The following IFNAR2 variants were observed in gnomAD, a reference collection of about 807,000 sequenced individuals.
IFNAR2 encodes the protein interferon alpha/beta receptor 2.
In IFNAR2, 30 loss-of-function variants were observed where a neutral mutation model predicts 49.4. That is an observed-to-expected ratio of 0.61 (90% CI 0.45 to 0.82). IFNAR2 has a LOEUF of 0.82. Ranked by LOEUF, IFNAR2 falls within the 40% of genes least tolerant of loss-of-function variation. IFNAR2 has a pLI of 0.00. For synonymous variants in IFNAR2, 224 were observed against 234.5 expected (o/e 0.96, Z 0.41); for missense variants, 600 against 622.7 (o/e 0.96, Z 0.39).
At chr21:33,244,911 G>C in intron 3 of IFNAR2, 40 bp from the exon 4 acceptor site, 1 of 1,607,654 alleles carries the variant, frequency 6.2e-7, no homozygotes, top group African/African-American at 1.3e-5. Flanking sequence ...ATACAACTGT[G>C]GGTTCCAAAT....
At chr21:33,261,775 A>T (rs957061568) in intron 8 of IFNAR2, among the ~76,000 whole-genome samples, 1 of 151,928 alleles carries the variant, frequency 6.6e-6, no homozygotes, top group Admixed American at 6.6e-5. Flanking sequence ...ACTCAGGAGG[A>T]TGTGGTGAGA....
At chr21:33,232,122 TCATGCTATGCCATGCCAC>T (rs1179966402) in intron 1 of IFNAR2, among the ~76,000 whole-genome samples, 1 of 152,212 alleles carries the variant, frequency 6.6e-6, no homozygotes, top group African/African-American at 2.4e-5. Flanking sequence ...ACACTGTCAA[TCATGCTATGCCATGCCAC>T]CAGAATGAAA....
intron 1 of IFNAR2, among the ~76,000 whole-genome samples, chr21:33,240,871 A>G (rs2123464221): frequency 6.6e-6 from 1 of 152,296 alleles, no homozygotes; most frequent in South Asian, 2.1e-4. Flanking sequence ...ATAAAAAAGA[A>G]TGAAATCGTG....
chr21:33,242,662 G>A (rs1318959357), intron 2 of IFNAR2, among the ~76,000 whole-genome samples: 2 of 143,500 alleles, frequency 1.4e-5, no homozygotes, highest in African/African-American at 5.3e-5. Context: ...GAACCTGGGA[G>A]GCGGAGCTTG....
Position 33,264,833 on chromosome 21 carries a change from T to C in IFNAR2, c.*1333T>C, listed in dbSNP as rs998925287. On this transcript the variant is annotated 3_prime_UTR_variant, in exon 9 of 9. Transcript: ENST00000342136. ...GCAAATCTGTCTCTACAAAACAAAA[T>C]TAGAAAAATTAACTGGGCGTAGTGG... The C allele has an allele frequency of 2.6e-5, 4 of 152,080 alleles. No individual in the cohort carries two copies. Among genetic ancestry groups the C allele is most frequent in the African/African-American group, 9.7e-5 (4 of 41,396 alleles). The allele number at this position is 152,080 out of a possible 1,614,324, so 9.4% of individuals were successfully genotyped here.
chr21:33,263,084 C>G lies in IFNAR2; in HGVS notation c.1132C>G (p.Pro378Ala). ...CCTGCCTGAGGTTGATGTGGAGCTC[C>G]CCACGATGCCAAAGGACAGCCCTCA... is the stretch of plus-strand genomic sequence containing the variant. ...PDLPEVDVEL[P>A]TMPKDSPQQL... The change falls in exon 9 of 9, where the codon CCC becomes GCC. Residue 378 changes from proline to alanine, a missense_variant. By Grantham distance (27) the Pro-to-Ala change is conservative. Coordinates refer to ENST00000342136, the MANE Select transcript of IFNAR2 (RefSeq NM_001289125.3). 6.2e-7 allele frequency: 1 copy of G among 1,614,102 alleles called. No individual in the cohort carries two copies. Among genetic ancestry groups the G allele is most frequent in the East Asian group, 2.2e-5 (1 of 44,884 alleles).
At chr21:33,247,167 C>G (rs1329677972) in intron 5 of IFNAR2, among the ~76,000 whole-genome samples, 2 of 151,940 alleles carry the variant, frequency 1.3e-5, no homozygotes, top group Admixed American at 1.3e-4. Context: ...TGCAGCCTGA[C>G]AGGAAGTCTG....
intron 6 of IFNAR2, 187 bp from the exon 7 acceptor site, chr21:33,252,475 T>G: frequency 1.0e-6 from 1 of 985,300 alleles, no homozygotes; most frequent in Non-Finnish European, 1.2e-6. Flanking sequence ...CAGGTGTATA[T>G]TAAAAGTGCA....
intron 8 of IFNAR2, among the ~76,000 whole-genome samples, chr21:33,261,924 G>A (rs1012836900): frequency 6.6e-6 from 1 of 152,076 alleles, no homozygotes; most frequent in African/African-American, 2.4e-5. Flanking sequence ...CCAAAGGAGA[G>A]GAAGTTAAGA....
In IFNAR2 at chr21:33,246,619, G is replaced by C. The variant is rs964821249; in HGVS notation, c.222-99G>C. 3.7e-6 allele frequency: 3 copies of C among 817,274 alleles called. No individual in the cohort carries two copies. The African/African-American group carries it at 5.2e-5, about 14-fold the overall frequency. The allele number at this position is 817,274 out of a possible 1,614,324, so 50.6% of individuals were successfully genotyped here. On this transcript the variant is annotated intron_variant, in intron 4 of 8. Transcript: ENST00000342136. ...GATCACTTAATACAATGATATTTGG[G>C]CAGAGCCCTAAAGGAAACAATGAAG...
intron 1 of IFNAR2, among the ~76,000 whole-genome samples, chr21:33,233,497 T>C (rs1267714592): frequency 6.6e-6 from 1 of 152,156 alleles, no homozygotes; most frequent in Non-Finnish European, 1.5e-5. Flanking sequence ...TATCTTAAAC[T>C]ATTTAAATTC....
rs760577971 is a variant in IFNAR2 at position 33,264,704 on chromosome 21, TC to T, written c.*1205del. 1.3e-5 allele frequency: 2 copies of T among 151,974 alleles called. No homozygotes were observed. The highest frequency in any genetic ancestry group is 2.9e-5 in the Non-Finnish European group (2 of 68,006). 9.4% of individuals were successfully genotyped at this position (151,974 alleles called of 1,614,324 possible). A position where few individuals can be genotyped will look rare whatever the true frequency, so the allele number is the denominator to read the frequency against. On this transcript the variant is annotated 3_prime_UTR_variant, in exon 9 of 9. Coordinates refer to ENST00000342136, the MANE Select transcript of IFNAR2 (RefSeq NM_001289125.3). ...GGGGGTGTGGGCGGGGGAAGGGAAGTCTGGCCCGGAGCAATTGCTCCTGCCG... is the reference window on the plus strand; with the variant it reads ...GGGGGTGTGGGCGGGGGAAGGGAAGTTGGCCCGGAGCAATTGCTCCTGCCG...
At position 33,260,708 on chromosome 21, in the gene IFNAR2, A is replaced by G. The variant is rs1568895347; in HGVS notation, c.821A>G (p.Asn274Ser). The change falls in exon 8 of 9, where the codon AAT (asparagine) becomes AGT (serine). Residue 274 changes from asparagine to serine, a missense_variant. Transcript: ENST00000342136. The stretch of plus-strand genomic sequence containing the variant: ...TGGATTGGTTATATATGCTTAAGAA[A>G]TAGCCTCCCCAAAGTCTTGGTAGGT... ...LKWIGYICLR[N>S]SLPKVLNFHN... The G allele has an allele frequency of 6.5e-7, 1 of 1,538,614 alleles. No individual in the cohort carries two copies. The highest frequency in any genetic ancestry group is 2.4e-5 in the East Asian group (1 of 40,866).
intron 2 of IFNAR2, among the ~76,000 whole-genome samples, chr21:33,243,362 C>T (rs1327226531): frequency 1.3e-5 from 2 of 152,122 alleles, no homozygotes; most frequent in Non-Finnish European, 2.9e-5. Flanking sequence ...GGATTACAGA[C>T]GTGAGCCACG....
chr21:33,251,699 A>G, intron 6 of IFNAR2: 1 of 985,028 alleles, frequency 1.0e-6, no homozygotes, highest in Non-Finnish European at 1.2e-6. Context: ...GTAAAACATG[A>G]TACAAAAGTT....
rs1985978797 is a variant in IFNAR2 at position 33,230,564 on chromosome 21, C to T, written c.-84+348C>T. 2.1e-6 allele frequency: 1 copy of T among 470,886 alleles called. No homozygotes were observed. Among genetic ancestry groups the T allele is most frequent in the African/African-American group, 2.0e-5 (1 of 50,070 alleles). 29.2% of individuals were successfully genotyped at this position (470,886 alleles called of 1,614,324 possible). ...GCATTTGCCACTGCAAGATGTGAGT[C>T]GTTGCTAAGTTTGAGGGTCACATTC... On this transcript the variant is annotated intron_variant, in intron 1 of 8. Coordinates refer to ENST00000342136, the MANE Select transcript of IFNAR2 (RefSeq NM_001289125.3). The surrounding 1 kb of genome is among the most constrained non-coding windows in gnomAD (Gnocchi z 5.5).
At chr21:33,236,587 G>A (rs563952070) in intron 1 of IFNAR2, among the ~76,000 whole-genome samples, 2 of 152,302 alleles carry the variant, frequency 1.3e-5, no homozygotes, top group Admixed American at 6.5e-5. Flanking sequence ...CACCAGGAGG[G>A]CTTCAGCGGA....
chr21:33,234,323 G>A (rs950659849), intron 1 of IFNAR2, among the ~76,000 whole-genome samples: 4 of 151,964 alleles, frequency 2.6e-5, no homozygotes, highest in African/African-American at 9.7e-5. Flanking sequence ...AAATAAGCTA[G>A]AATCAAATAT....
chr21:33,246,982 T>C, intron 5 of IFNAR2, 92 bp downstream of exon 5: 1 of 1,101,288 alleles, frequency 9.1e-7, no homozygotes, highest in South Asian at 1.5e-5. Context: ...CAAAGGTGTT[T>C]TAGACCTGGG....
Sources: allele counts gnomAD v4.1 joint callset (sites outside exome capture counted in the v4.1 genomes callset), GRCh38; gene constraint gnomAD v4.1.1; non-coding constraint Gnocchi (gnomAD v3.1); transcripts MANE v1.5; gene names NCBI Gene and HGNC (gene_info 2026-07-23, HGNC 2026-07-21).